The following RTN4R variants were observed in gnomAD, a reference collection of about 807,000 sequenced individuals.
RTN4R encodes the protein reticulon-4 receptor.
A neutral mutation model predicts 27.7 loss-of-function variants in RTN4R; 4 were observed. The observed-to-expected ratio is 0.14, with a 90% CI of 0.07 to 0.33. RTN4R has a LOEUF of 0.33. Among genes scored for constraint, RTN4R ranks in the 10% least tolerant of loss-of-function variants. The probability of loss-of-function intolerance (pLI) is 1.00; values close to 1 mark genes in which losing one functional copy is unlikely to be tolerated. For synonymous variants in RTN4R, 290 were observed against 305.6 expected (o/e 0.95, Z 0.53); for missense variants, 554 against 671.5 (o/e 0.83, Z 1.93).
chr22:20,251,250 C>T (rs756903331), intron 1 of RTN4R, among the ~76,000 whole-genome samples: 3 of 151,924 alleles, frequency 2.0e-5, no homozygotes, highest in Non-Finnish European at 2.9e-5. Flanking sequence ...CTTCCCAGGA[C>T]ATCAGGATTC....
chr22:20,267,857 G>C (rs1473654155), intron 1 of RTN4R, among the ~76,000 whole-genome samples: 1 of 152,010 alleles, frequency 6.6e-6, no homozygotes, highest in Non-Finnish European at 1.5e-5. Flanking sequence ...CCGGGAAGCG[G>C]CAACTTTTCC....
In RTN4R at chr22:20,242,196, T is replaced by C. The variant is rs1302616718; in HGVS notation, c.937A>G (p.Thr313Ala). The change falls in exon 2 of 2, where the codon ACC becomes GCC. Residue 313 changes from threonine (T) to alanine (A), a missense_variant. Thr to Ala is a moderately conservative substitution (Grantham distance 58). Coordinates refer to ENST00000043402, the MANE Select transcript of RTN4R (RefSeq NM_023004.6). ...GTCCAGATGGGATGGTAAGGGCCGG[T>C]GGCCACAGCGCAGCCCTGCAGGTCA... ...ANDLQGCAVA[T>A]GPYHPIWTGR... 1.9e-6 allele frequency: 3 copies of C among 1,609,978 alleles called. No individual in the cohort carries two copies.
intron 1 of RTN4R, among the ~76,000 whole-genome samples, chr22:20,256,193 G>C (rs960797981): frequency 1.3e-5 from 2 of 152,172 alleles, no homozygotes; most frequent in East Asian, 3.9e-4. Context: ...GGGGCAGTCC[G>C]GCCTTATTTC....
rs779384862 is a variant in RTN4R, at chr22:20,242,003, C to T, written c.1130G>A (p.Arg377Gln). 4.5e-5 allele frequency: 72 copies of T among 1,610,946 alleles called. No homozygotes were observed. Among genetic ancestry groups the T allele is most frequent in the East Asian group, 3.3e-4 (15 of 44,868 alleles). Residue 377 changes from arginine to glutamine, a missense_variant, in exon 2 of 2, where the codon CGG (arginine) becomes CAG (glutamine). By Grantham distance (43) the Arg-to-Gln change is conservative. This residue lies in a region of RTN4R where 413 missense variants were observed against 542.3 expected (regional missense o/e 0.76). Coordinates refer to ENST00000043402, the MANE Select transcript of RTN4R (RefSeq NM_023004.6). ...CCCAAAGGGTGAGTCATTGATGTGC[C>T]GTGGGCCAGAGCCGTTGCCCGGCGG... Reference protein sequence around the residue: ...DSPPGNGSGPRHINDSPFGTL... With the variant: ...DSPPGNGSGPQHINDSPFGTL...
intron 1 of RTN4R, chr22:20,267,746 C>A: frequency 2.4e-6 from 1 of 420,412 alleles, no homozygotes; most frequent in Admixed American, 3.0e-5. Context: ...GCTCCGAGGC[C>A]GGGCCCCGCC....
chr22:20,256,270 G>A, intron 1 of RTN4R, among the ~76,000 whole-genome samples: 1 of 152,156 alleles, frequency 6.6e-6, no homozygotes, highest in Middle Eastern at 3.2e-3. Flanking sequence ...CAAGTCCAAG[G>A]CCACACTGGG....
Position 20,265,844 on chromosome 22 carries a change from C to T in RTN4R, c.22+2227G>A, listed in dbSNP as rs548970413. Among the ~76,000 whole-genome samples the T allele has an allele frequency of 5.3e-4, 80 of 152,304 alleles. 1 individual carries two copies. Among genetic ancestry groups the T allele is most frequent in the South Asian group, 1.9e-3 (9 of 4,826 alleles). On this transcript the variant is annotated intron_variant, in intron 1 of 1. Coordinates refer to ENST00000043402, the MANE Select transcript of RTN4R (RefSeq NM_023004.6). ...AGAGTCAGAACTCCACAGGGAAAGC[C>T]GGGCCAATTCCGCCCAGCCTCAGCC... is the stretch of plus-strand genomic sequence containing the variant.
At chr22:20,259,142 G>A (rs952455754) in intron 1 of RTN4R, among the ~76,000 whole-genome samples, 1 of 152,166 alleles carries the variant, frequency 6.6e-6, no homozygotes, top group Non-Finnish European at 1.5e-5. Context: ...GGGCACAAAG[G>A]GAGGTTGGTG....
At chr22:20,265,987 C>T (rs958632678) in intron 1 of RTN4R, among the ~76,000 whole-genome samples, 3 of 152,228 alleles carry the variant, frequency 2.0e-5, no homozygotes, top group African/African-American at 7.2e-5. Flanking sequence ...GAGCCAGGAC[C>T]CAAATCCAGG....
In RTN4R at chr22:20,251,718, C is replaced by A. The variant is rs2051179313; in HGVS notation, c.23-8608G>T. On this transcript the variant is annotated intron_variant, in intron 1 of 1. Coordinates refer to ENST00000043402, the MANE Select transcript of RTN4R (RefSeq NM_023004.6). ...CCATCACTATCATCATCACCATCAC[C>A]ATCCTCAACACCATCATCACCATCA... is the stretch of plus-strand genomic sequence containing the variant. Among the ~76,000 whole-genome samples, 5 of 144,642 alleles carry A rather than the reference C, an allele frequency of 3.5e-5. No homozygotes were observed. In the South Asian group the frequency reaches 1.2e-3, roughly 34 times the overall value. 94.9% of individuals were successfully genotyped at this position (144,642 alleles called of 152,430 possible). A position where few individuals can be genotyped will look rare whatever the true frequency, so the allele number is the denominator to read the frequency against.
chr22:20,265,872 G>C (rs1305829982), intron 1 of RTN4R, among the ~76,000 whole-genome samples: 1 of 152,216 alleles, frequency 6.6e-6, no homozygotes, highest in Non-Finnish European at 1.5e-5. Flanking sequence ...CCTCAGCCTG[G>C]AAGTGCCCCG....
chr22:20,268,167 C>T lies in RTN4R; in HGVS notation c.-75G>A, dbSNP rs2051290697. ...GGCGCCCGTCTCCCCGCGGCCGGGT[C>T]CGCATCCAGGCGCCGCCGCTACGGC... On this transcript the variant is annotated 5_prime_UTR_variant, in exon 1 of 2. Coordinates refer to ENST00000043402, the MANE Select transcript of RTN4R (RefSeq NM_023004.6). 14 of 839,020 alleles carry T rather than the reference C, an allele frequency of 1.7e-5. No individual in the cohort carries two copies. The highest frequency in any genetic ancestry group is 2.1e-5 in the Non-Finnish European group (14 of 670,542). 52.0% of individuals were successfully genotyped at this position (839,020 alleles called of 1,614,324 possible).
rs374705294 is a variant in RTN4R at position 20,255,695 on chromosome 22, C to T, written c.22+12376G>A. 7.9e-5 allele frequency among the ~76,000 whole-genome samples: 12 copies of T among 151,830 alleles called. No individual in the cohort carries two copies. In the East Asian group the frequency reaches 2.4e-3, roughly 30 times the overall value. ...AGCCCCACCCCTGGATTCCCCTTAC[C>T]CCTGCCCGCTCCTGTCCCCTCCTTG... On this transcript the variant is annotated intron_variant, in intron 1 of 1. Transcript: ENST00000043402. This position sits in a 1 kb window ranked among gnomAD's most constrained non-coding sequence, Gnocchi z 4.8.
chr22:20,241,700 T>A lies in RTN4R; in HGVS notation c.*11A>T, dbSNP rs1199533380. The A allele has an allele frequency of 5.2e-6, 8 of 1,549,098 alleles. No individual in the cohort carries two copies. The highest frequency in any genetic ancestry group is 7.0e-6 in the Non-Finnish European group (8 of 1,146,678). Reference sequence around the variant, plus strand: ...CCTGGCTGCTGAGCACGCTCTTGTGTCCGCTGGGGGTCAGCAGGGCCCAAG... The same window carrying A: ...CCTGGCTGCTGAGCACGCTCTTGTGACCGCTGGGGGTCAGCAGGGCCCAAG... On this transcript the variant is annotated 3_prime_UTR_variant, in exon 2 of 2. Coordinates refer to ENST00000043402, the MANE Select transcript of RTN4R (RefSeq NM_023004.6).
intron 1 of RTN4R, among the ~76,000 whole-genome samples, chr22:20,254,873 G>GT (rs1349377988): frequency 6.6e-6 from 1 of 152,148 alleles, no homozygotes; most frequent in Non-Finnish European, 1.5e-5. Flanking sequence ...AACATCAACT[G>GT]TAAGCCCCAA....
At position 20,242,155 on chromosome 22, in the gene RTN4R, A is replaced by G; in HGVS notation, c.978T>C (p.Asp326=). ...ACTTGGGAAGCCCCAGCGGCTCCTC[A>G]TCGGTGGCCCTGCCGGTCCAGATGG... The part of the protein sequence containing the change: ...YHPIWTGRAT[D]EEPLGLPKCC... The change falls in exon 2 of 2, where the codon GAT becomes GAC. Residue 326 remains aspartate (D), a synonymous_variant. Transcript: ENST00000043402. 6.2e-7 allele frequency: 1 copy of G among 1,612,038 alleles called. No individual in the cohort carries two copies. The highest frequency in any genetic ancestry group is 8.5e-7 in the Non-Finnish European group (1 of 1,179,660).
At chr22:20,253,686 C>T (rs948384733) in intron 1 of RTN4R, among the ~76,000 whole-genome samples, 1 of 152,050 alleles carries the variant, frequency 6.6e-6, no homozygotes, top group Non-Finnish European at 1.5e-5. Context: ...CTAGAGGAAG[C>T]CGACAGTGTG....
intron 1 of RTN4R, among the ~76,000 whole-genome samples, chr22:20,250,617 C>A (rs576543551): frequency 1.7e-4 from 26 of 152,158 alleles, no homozygotes; most frequent in Non-Finnish European, 2.5e-4. Context: ...CTGTGGAGAC[C>A]TGGGCAAGGT....
intron 1 of RTN4R, chr22:20,267,581 G>A (rs1189408365): frequency 4.3e-6 from 2 of 468,100 alleles, no homozygotes; most frequent in East Asian, 7.2e-5. Context: ...TGCCGCCAAC[G>A]CCCCCATTCA....
Sources: gnomAD v4.1 joint callset for allele counts (sites outside exome capture counted in the v4.1 genomes callset) on GRCh38, gnomAD v4.1.1 for gene constraint, gnomAD v4.1.1 regional missense constraint, Gnocchi (gnomAD v3.1) non-coding constraint, MANE v1.5 for transcripts, NCBI Gene and HGNC (gene_info 2026-07-23, HGNC 2026-07-21) for gene names.